The following RBFOX1 variants were observed in gnomAD, a reference collection of about 807,000 sequenced individuals.
RBFOX1 encodes RNA binding fox-1 homolog 1, also known as RNA binding protein fox-1 homolog 1.
In RBFOX1, 8 loss-of-function variants were observed where a neutral mutation model predicts 57.7. The observed-to-expected ratio is 0.14, with a 90% confidence interval of 0.08 to 0.25. The LOEUF is 0.25. Among genes scored for constraint, RBFOX1 ranks in the 10% least tolerant of loss-of-function variants. The pLI is 1.00. For missense variants in RBFOX1, 611 were observed against 548.5 expected (o/e 1.11, Z -1.14); for synonymous variants, 326 against 222.4 (o/e 1.47, Z -4.15).
At chr16:7,198,780 C>T (rs898686241) in intron 4 of RBFOX1, among the ~76,000 whole-genome samples, 1 of 152,184 alleles carries the variant, frequency 6.6e-6, no homozygotes, top group Non-Finnish European at 1.5e-5. Flanking sequence ...CTTACTGGGC[C>T]TCACCTCCCA....
At chr16:5,593,298 A>T (rs1384488621) in intron 2 of RBFOX1, among the ~76,000 whole-genome samples, 1 of 150,994 alleles carries the variant, frequency 6.6e-6, no homozygotes, top group Non-Finnish European at 1.5e-5. Context: ...CAATAAGAAC[A>T]CATGGACACG....
intron 1 of RBFOX1, among the ~76,000 whole-genome samples, chr16:5,301,793 G>A (rs1342410285): frequency 6.6e-6 from 1 of 152,088 alleles, no homozygotes; most frequent in Non-Finnish European, 1.5e-5. Context: ...GAAACTATGA[G>A]ATAACAAATG....
intron 3 of RBFOX1, among the ~76,000 whole-genome samples, chr16:6,912,897 G>T (rs531335842): frequency 1.3e-5 from 2 of 152,108 alleles, no homozygotes; most frequent in African/African-American, 4.8e-5. Context: ...TGGGATTACA[G>T]GCATGAGCCA....
intron 1 of RBFOX1, among the ~76,000 whole-genome samples, chr16:6,247,686 C>A (rs2097576772): frequency 6.6e-6 from 1 of 152,074 alleles, no homozygotes; most frequent in Non-Finnish European, 1.5e-5. Flanking sequence ...AGATACTTGC[C>A]AAAGTCATGT....
At position 6,905,162 on chromosome 16, in the gene RBFOX1, A is replaced by C. The variant is rs537481174; in HGVS notation, c.-15-146895A>C. ...ATTTTACAGTTGGTCAGGGTTTTCA[A>C]ATCCTTTATTCTTTATCCATTTTTT... is the stretch of plus-strand genomic sequence containing the variant. On this transcript the variant is annotated intron_variant, in intron 3 of 15. Transcript: ENST00000550418. Among the ~76,000 whole-genome samples, 8 of 152,264 alleles carry C rather than the reference A, an allele frequency of 5.3e-5. No homozygotes were observed. The South Asian group carries it at 1.7e-3, about 32-fold the overall frequency.
At chr16:5,393,189 C>T (rs1412719972) in intron 1 of RBFOX1, among the ~76,000 whole-genome samples, 2 of 152,178 alleles carry the variant, frequency 1.3e-5, no homozygotes, top group African/African-American at 4.8e-5. Flanking sequence ...GCTGTGAGTG[C>T]CATCACGGCT....
Position 5,667,792 on chromosome 16 carries a change from T to C in RBFOX1, c.318+68831T>C, listed in dbSNP as rs1312004796. On this transcript the variant is annotated intron_variant, in intron 3 of 19. Coordinates refer to the RBFOX1 transcript ENST00000641259. Reference sequence around the variant, plus strand: ...TCAAAGTAGGAAGAATAAAACTAAATAACCCCTTTATCATCTCCCCAGGTT... The same window carrying C: ...TCAAAGTAGGAAGAATAAAACTAAACAACCCCTTTATCATCTCCCCAGGTT... 2.0e-5 allele frequency among the ~76,000 whole-genome samples: 3 copies of C among 152,314 alleles called. No individual in the cohort carries two copies. The East Asian group carries it at 5.8e-4, about 29-fold the overall frequency.
chr16:7,186,425 T>C (rs972655531), intron 4 of RBFOX1, among the ~76,000 whole-genome samples: 4 of 107,832 alleles, frequency 3.7e-5, no homozygotes, highest in Non-Finnish European at 6.9e-5. Flanking sequence ...TATATAAATA[T>C]AAACATAAAC....
rs148751394 is a variant in RBFOX1, at chr16:7,518,189, C to A, written c.70C>A (p.Pro24Thr). 6.2e-7 allele frequency: 1 copy of A among 1,613,972 alleles called. No individual in the cohort carries two copies. The highest frequency in any genetic ancestry group is 8.5e-7 in the Non-Finnish European group (1 of 1,179,906). ...AAAAPDTMAQ[P>T]YASAQFAPPQ... The stretch of plus-strand genomic sequence containing the variant: ...CGCTGCCCCTGACACAATGGCTCAG[C>A]CTTACGCTTCGGCCCAGTTTGCTCC... Residue 24 changes from proline to threonine, a missense_variant, in exon 5 of 16, where the codon CCT becomes ACT. By Grantham distance (38) the Pro-to-Thr change is conservative. This residue lies in a region of RBFOX1 where 245 missense variants were observed against 159.1 expected (regional missense o/e 1.54). Coordinates refer to ENST00000550418, the MANE Select transcript of RBFOX1 (RefSeq NM_018723.4).
chr16:7,102,809 C>G (rs2062913960), intron 4 of RBFOX1, among the ~76,000 whole-genome samples: 1 of 152,096 alleles, frequency 6.6e-6, no homozygotes, highest in South Asian at 2.1e-4. Flanking sequence ...ATCATCCAAC[C>G]AGCAATTTTT....
intron 4 of RBFOX1, among the ~76,000 whole-genome samples, chr16:7,070,431 T>G (rs556983223): frequency 1.3e-5 from 2 of 152,276 alleles, no homozygotes; most frequent in South Asian, 4.1e-4. Flanking sequence ...TGATAACAAC[T>G]TAGAGATTTA....
At chr16:6,414,902 G>A (rs1321812844) in intron 2 of RBFOX1, among the ~76,000 whole-genome samples, 2 of 152,056 alleles carry the variant, frequency 1.3e-5, no homozygotes, top group East Asian at 3.9e-4. Context: ...GCAAGGCATG[G>A]GGTAGGATGC....
intron 1 of RBFOX1, among the ~76,000 whole-genome samples, chr16:6,020,969 G>C (rs2152351378): frequency 6.6e-6 from 1 of 152,324 alleles, no homozygotes; most frequent in South Asian, 2.1e-4. Flanking sequence ...GGGGCTGGGA[G>C]AGCTCATCGC....
At chr16:5,269,460 A>G (rs2062949417) in intron 1 of RBFOX1, among the ~76,000 whole-genome samples, 1 of 152,256 alleles carries the variant, frequency 6.6e-6, no homozygotes, top group African/African-American at 2.4e-5. Context: ...CCAAAGAGGG[A>G]GTTAATCCAA....
At chr16:5,766,074 T>C (rs971065705) in intron 3 of RBFOX1, among the ~76,000 whole-genome samples, 3 of 152,086 alleles carry the variant, frequency 2.0e-5, no homozygotes, top group African/African-American at 7.2e-5. Context: ...TAGCTCAGAG[T>C]TCTGTCCTCC....
intron 1 of RBFOX1, among the ~76,000 whole-genome samples, chr16:5,279,380 C>G (rs1396376548): frequency 6.6e-6 from 1 of 151,776 alleles, no homozygotes; most frequent in Non-Finnish European, 1.5e-5. Context: ...AATAGAATTT[C>G]TTCCTTGATT....
intron 4 of RBFOX1, among the ~76,000 whole-genome samples, chr16:7,312,901 C>G (rs1003940393): frequency 2.5e-5 from 3 of 121,566 alleles, no homozygotes; most frequent in African/African-American, 9.3e-5. Flanking sequence ...CTGGGAGAGT[C>G]TGGCGGAGCT....
intron 4 of RBFOX1, among the ~76,000 whole-genome samples, chr16:7,177,319 G>C (rs1384247460): frequency 6.6e-6 from 1 of 152,254 alleles, no homozygotes; most frequent in Middle Eastern, 3.4e-3. Context: ...AGCCCTGAAG[G>C]CCTCAAGAGC....
At chr16:6,930,204 A>C (rs2076279900) in intron 3 of RBFOX1, among the ~76,000 whole-genome samples, 1 of 152,202 alleles carries the variant, frequency 6.6e-6, no homozygotes, top group South Asian at 2.1e-4. Flanking sequence ...TTGAGAATAT[A>C]TTGAGAACTC....
Sources: allele counts gnomAD v4.1 joint callset (sites outside exome capture counted in the v4.1 genomes callset), GRCh38; gene constraint gnomAD v4.1.1; regional missense constraint gnomAD v4.1.1; transcripts MANE v1.5; gene names NCBI Gene and HGNC (gene_info 2026-07-23, HGNC 2026-07-21).